KHDRBS2: variants seen among roughly 807,000 people sequenced by gnomAD.
KHDRBS2 encodes KH RNA binding domain containing, signal transduction associated 2.
In KHDRBS2, 26 loss-of-function variants were observed where a neutral mutation model predicts 44.3. The observed-to-expected ratio is 0.59, with a 90% CI of 0.43 to 0.81. The LOEUF is 0.81. Among genes scored for constraint, KHDRBS2 ranks in the 40% least tolerant of loss-of-function variants. KHDRBS2 has a pLI of 0.00. For synonymous variants in KHDRBS2, 194 were observed against 151.1 expected, an observed-to-expected ratio of 1.28 and a Z score of -2.08; for missense variants, 476 against 433.1, an observed-to-expected ratio of 1.10 and a Z score of -0.88.
At position 62,061,808 on chromosome 6, in the gene KHDRBS2, C is replaced by G. The variant is rs1259003564; in HGVS notation, c.220-13814G>C. Among the ~76,000 whole-genome samples, 3 of 148,210 alleles carry G rather than the reference C, an allele frequency of 2.0e-5. 1 individual carries two copies. Among genetic ancestry groups the G allele is most frequent in the South Asian group, 4.4e-4 (2 of 4,592 alleles). On this transcript the variant is annotated intron_variant, in intron 2 of 8. Coordinates refer to ENST00000281156, the MANE Select transcript of KHDRBS2 (RefSeq NM_152688.4). ...CCATTCTCCCCATCACTTTCAGGTA[C>G]ACCAATCAGACGTAGATTTGGTCTT...
rs968956694 is a variant in KHDRBS2, at chr6:62,024,043, T to TA, written c.336+23834dup. Among the ~76,000 whole-genome samples the TA allele has an allele frequency of 6.0e-4, 90 of 150,966 alleles. 3 individuals are homozygous for TA. Among genetic ancestry groups the TA allele is most frequent in the Non-Finnish European group, 2.2e-4 (15 of 67,374 alleles). ...ATTTGTTAAACATTCAATCCCAATA[T>TA]AAAAAAAAGTTAAATATGTATACAA... is the stretch of plus-strand genomic sequence containing the variant. On this transcript the variant is annotated intron_variant, in intron 3 of 8. Coordinates refer to ENST00000281156, the MANE Select transcript of KHDRBS2 (RefSeq NM_152688.4).
chr6:61,662,452 T>C, the KHDRBS2 span, among the ~76,000 whole-genome samples: 4 of 151,642 alleles, frequency 2.6e-5, no homozygotes, highest in African/African-American at 9.7e-5. Context: ...ACCATCAGAG[T>C]GAACAGGCAA....
chr6:62,023,572 T>C (rs1465952315), intron 3 of KHDRBS2, among the ~76,000 whole-genome samples: 3 of 151,624 alleles, frequency 2.0e-5, no homozygotes, highest in African/African-American at 7.2e-5. Context: ...ACTATTGTTT[T>C]TTAAATGCCT....
the KHDRBS2 span, among the ~76,000 whole-genome samples, chr6:61,671,004 C>T: frequency 0.2 from 29,597 of 151,216 alleles, 3,065 homozygotes; most frequent in African/African-American, 0.24. Context: ...TATGGTATTG[C>T]GAAAATGACA....
At chr6:62,234,800 C>G (rs1241520066) in intron 1 of KHDRBS2, among the ~76,000 whole-genome samples, 1 of 151,970 alleles carries the variant, frequency 6.6e-6, no homozygotes, top group Non-Finnish European at 1.5e-5. Flanking sequence ...TTATCTATAA[C>G]ATTACAGTGC....
intron 1 of KHDRBS2, among the ~76,000 whole-genome samples, chr6:62,268,226 T>C (rs1405964638): frequency 6.6e-6 from 1 of 152,066 alleles, no homozygotes; most frequent in East Asian, 1.9e-4. Flanking sequence ...CATAAAAACA[T>C]ACTTCTTTGA....
At chr6:61,972,203 G>C (rs991767294) in intron 4 of KHDRBS2, among the ~76,000 whole-genome samples, 2 of 152,056 alleles carry the variant, frequency 1.3e-5, no homozygotes, top group African/African-American at 4.8e-5. Context: ...TGTCTTCCAA[G>C]TTATGTCAAT....
In KHDRBS2 at chr6:61,954,840, G is replaced by A. The variant is rs1161774479; in HGVS notation, c.483+23226C>T. Among the ~76,000 whole-genome samples, 11 of 67,144 alleles carry A rather than the reference G, an allele frequency of 1.6e-4. 2 individuals carry two copies. Among genetic ancestry groups the A allele is most frequent in the Non-Finnish European group, 3.2e-4 (11 of 34,684 alleles). 44.0% of individuals were successfully genotyped at this position (67,144 alleles called of 152,430 possible). ...TGTGTATATACACATGCATATGTAT[G>A]TATACATATGCATGTGTATATACAC... On this transcript the variant is annotated intron_variant, in intron 4 of 8. Coordinates refer to ENST00000281156, the MANE Select transcript of KHDRBS2 (RefSeq NM_152688.4).
At chr6:61,547,487 A>G in the KHDRBS2 span, among the ~76,000 whole-genome samples, 1 of 152,072 alleles carries the variant, frequency 6.6e-6, no homozygotes, top group African/African-American at 2.4e-5. Context: ...CCAGCTAACA[A>G]ATTTAATCAC....
At chr6:61,571,190 AT>A in the KHDRBS2 span, among the ~76,000 whole-genome samples, 1 of 152,096 alleles carries the variant, frequency 6.6e-6, no homozygotes, top group African/African-American at 2.4e-5. Flanking sequence ...CTAATATATA[AT>A]GACTCACATA....
chr6:62,266,293 G>A (rs573481094), intron 1 of KHDRBS2, among the ~76,000 whole-genome samples: 1 of 152,110 alleles, frequency 6.6e-6, no homozygotes, highest in South Asian at 2.1e-4. Flanking sequence ...ACGAGCCAGG[G>A]CCTATATATT....
intron 6 of KHDRBS2, among the ~76,000 whole-genome samples, chr6:61,807,050 A>C (rs1787274718): frequency 6.6e-6 from 1 of 152,146 alleles, no homozygotes; most frequent in African/African-American, 2.4e-5. Flanking sequence ...AGACATACAG[A>C]TGGCCAATAA....
At chr6:61,859,031 C>T (rs544021482) in intron 6 of KHDRBS2, among the ~76,000 whole-genome samples, 65 of 151,934 alleles carry the variant, frequency 4.3e-4, no homozygotes, top group African/African-American at 1.5e-3. Context: ...TCGGTGAAAG[C>T]TCTTTTACAT....
At chr6:61,696,143 C>A (rs759929139) in intron 8 of KHDRBS2, among the ~76,000 whole-genome samples, 9 of 151,880 alleles carry the variant, frequency 5.9e-5, no homozygotes, top group Non-Finnish European at 1.0e-4. Flanking sequence ...CAATGCCAAG[C>A]AGCCTTGGTA....
intron 6 of KHDRBS2, among the ~76,000 whole-genome samples, chr6:61,803,251 C>T (rs1299938727): frequency 6.6e-6 from 1 of 152,130 alleles, no homozygotes; most frequent in Non-Finnish European, 1.5e-5. Flanking sequence ...GCAGGCAGTA[C>T]TGTTGCCTAT....
intron 2 of KHDRBS2, among the ~76,000 whole-genome samples, chr6:62,061,319 T>C (rs546273751): frequency 1.3e-5 from 2 of 151,988 alleles, no homozygotes; most frequent in South Asian, 4.1e-4. Flanking sequence ...TACCGGTTGT[T>C]CCTTTCCATG....
intron 4 of KHDRBS2, among the ~76,000 whole-genome samples, chr6:61,928,811 A>G (rs1242578071): frequency 1.3e-5 from 2 of 152,106 alleles, no homozygotes; most frequent in South Asian, 2.1e-4. Context: ...GATATATCCC[A>G]TATTTATGGC....
chr6:61,938,117 T>C (rs1426085114), intron 4 of KHDRBS2, among the ~76,000 whole-genome samples: 2 of 152,206 alleles, frequency 1.3e-5, no homozygotes, highest in African/African-American at 4.8e-5. Context: ...AGTCTAGGCA[T>C]AAATATAAAT....
At chr6:62,225,680 C>G (rs1831657283) in intron 1 of KHDRBS2, among the ~76,000 whole-genome samples, 1 of 152,010 alleles carries the variant, frequency 6.6e-6, no homozygotes, top group Non-Finnish European at 1.5e-5. Context: ...TAATGCTTTC[C>G]TTACCCTCGG....
Sources: allele counts gnomAD v4.1 joint callset (sites outside exome capture counted in the v4.1 genomes callset), GRCh38; gene constraint gnomAD v4.1.1; transcripts MANE v1.5; gene names NCBI Gene and HGNC (gene_info 2026-07-23, HGNC 2026-07-21).